GC: variants seen among roughly 807,000 people sequenced by gnomAD.
GC encodes vitamin D-binding protein.
A neutral mutation model predicts 56.7 loss-of-function variants in GC; 43 were observed. The observed-to-expected ratio is 0.76, with a 90% confidence interval of 0.59 to 0.98. The LOEUF (loss-of-function observed/expected upper bound fraction) is 0.98, where lower values mean the gene tolerates loss of function less well. Among genes scored for constraint, GC ranks in the 50% least tolerant of loss-of-function variants. GC has a pLI of 0.00. For synonymous variants in GC, 216 were observed against 202.7 expected (o/e 1.07, Z -0.56); for missense variants, 529 against 545.9 (o/e 0.97, Z 0.31).
chr4:71,752,016 G>C lies in GC; in HGVS notation c.1395+502C>G, dbSNP rs141581620. Among the ~76,000 whole-genome samples, 13 of 151,862 alleles carry C rather than the reference G, an allele frequency of 8.6e-5. 1 individual carries two copies. Among genetic ancestry groups the C allele is most frequent in the African/African-American group, 3.1e-4 (13 of 41,426 alleles). On this transcript the variant is annotated intron_variant, in intron 11 of 12. Coordinates refer to ENST00000273951, the MANE Select transcript of GC (RefSeq NM_000583.4). ...TTTATAATTAACATATTAATAGAAG[G>C]TATGATATGACCCCATTTTTCTAAA...
At chr4:71,766,161 G>A (rs968797436) in intron 3 of GC, among the ~76,000 whole-genome samples, 1 of 152,092 alleles carries the variant, frequency 6.6e-6, no homozygotes, top group African/African-American at 2.4e-5. Context: ...TACATTATTT[G>A]CATTCTCTTA....
Position 71,765,731 on chromosome 4 carries a change from A to G in GC, c.262-88T>C. 8.8e-6 allele frequency: 7 copies of G among 797,658 alleles called. No homozygotes were observed. In the South Asian group the frequency reaches 1.2e-4, roughly 13 times the overall value. The allele number at this position is 797,658 out of a possible 1,614,324, so 49.4% of individuals were successfully genotyped here. A position where few individuals can be genotyped will look rare whatever the true frequency, so the allele number is the denominator to read the frequency against. On this transcript the variant is annotated intron_variant, in intron 3 of 12. Coordinates refer to ENST00000273951, the MANE Select transcript of GC (RefSeq NM_000583.4). ...ATTTAATATAATATCTTAGCCTATA[A>G]TTAGAAAATTCTCATTTATAACTAT...
In GC at chr4:71,759,071, A is replaced by G. The variant is rs150123686; in HGVS notation, c.702-900T>C. 3.9e-3 allele frequency among the ~76,000 whole-genome samples: 591 copies of G among 152,318 alleles called. 6 individuals carry two copies. The highest frequency in any genetic ancestry group is 0.013 in the African/African-American group (560 of 41,582). On this transcript the variant is annotated intron_variant, in intron 6 of 12. Transcript: ENST00000273951. ...TTCAGACTGGCATATTTCACTTAGC[A>G]TAATGAAAGTCCTCAAGGTTCATCC...
rs766644198 is a variant in GC at position 71,783,972 on chromosome 4, G to C, written c.47C>G (p.Ala16Gly). The change falls in exon 1 of 13, where the codon GCT (alanine) becomes GGT (glycine). Residue 16 changes from alanine (A) to glycine (G), a missense_variant. Ala to Gly is a moderately conservative substitution (Grantham distance 60). Coordinates refer to ENST00000273951, the MANE Select transcript of GC (RefSeq NM_000583.4). ...VLLLAVAFGH[A>G]LERGRDYEKN... ...AAAAGAAATCTTACCTCTCTCTAAA[G>C]CATGTCCAAATGCCACAGCAAGCAG... 27 of 1,600,818 alleles carry C rather than the reference G, an allele frequency of 1.7e-5. No homozygotes were observed. Among genetic ancestry groups the C allele is most frequent in the Non-Finnish European group, 2.0e-5 (23 of 1,172,596 alleles).
intron 12 of GC, among the ~76,000 whole-genome samples, chr4:71,745,662 T>C (rs540973953): frequency 6.6e-6 from 1 of 152,324 alleles, no homozygotes; most frequent in Non-Finnish European, 1.5e-5. Context: ...CTATTTTATG[T>C]TCTTAATATC....
At chr4:71,755,550 G>A (rs566528491) in intron 8 of GC, among the ~76,000 whole-genome samples, 5 of 152,250 alleles carry the variant, frequency 3.3e-5, no homozygotes, top group African/African-American at 1.2e-4. Context: ...AGCTCAGACT[G>A]ACTCTAAATC....
intron 1 of GC, among the ~76,000 whole-genome samples, chr4:71,802,768 C>A (rs945892809): frequency 6.6e-6 from 1 of 152,188 alleles, no homozygotes; most frequent in Admixed American, 6.5e-5. Context: ...GTGAAACAAT[C>A]ATCTGAAATA....
At chr4:71,742,937 G>A (rs1473627737) in intron 12 of GC, among the ~76,000 whole-genome samples, 1 of 152,184 alleles carries the variant, frequency 6.6e-6, no homozygotes, top group South Asian at 2.1e-4. Context: ...TTGTGCCACT[G>A]CACTCCAGAC....
chr4:71,780,331 C>T (rs1444664093), intron 1 of GC, among the ~76,000 whole-genome samples: 7 of 152,072 alleles, frequency 4.6e-5, no homozygotes, highest in Non-Finnish European at 8.8e-5. Flanking sequence ...TGGACAAGGA[C>T]TTCATGTCTA....
At chr4:71,802,119 C>G (rs942297589) in intron 1 of GC, among the ~76,000 whole-genome samples, 2 of 152,074 alleles carry the variant, frequency 1.3e-5, no homozygotes, top group Non-Finnish European at 2.9e-5. Flanking sequence ...CATCTTGCTT[C>G]TGAACATCAG....
At chr4:71,747,670 GA>G (rs1350364678) in intron 11 of GC, among the ~76,000 whole-genome samples, 1 of 152,138 alleles carries the variant, frequency 6.6e-6, no homozygotes, top group East Asian at 1.9e-4. Flanking sequence ...GAATTAATAA[GA>G]GGTGTGAGGA....
intron 6 of GC, among the ~76,000 whole-genome samples, chr4:71,762,607 T>C (rs1578294719): frequency 2.6e-5 from 4 of 152,160 alleles, no homozygotes; most frequent in African/African-American, 4.8e-5. Flanking sequence ...GAATTATAAC[T>C]CCCACAATTT....
At chr4:71,776,233 C>T (rs764369282) in intron 1 of GC, among the ~76,000 whole-genome samples, 9 of 151,648 alleles carry the variant, frequency 5.9e-5, no homozygotes, top group South Asian at 2.1e-4. Flanking sequence ...TCACAGCTAC[C>T]GAGATGCTGA....
At chr4:71,743,040 C>T (rs1369429615) in intron 12 of GC, among the ~76,000 whole-genome samples, 1 of 152,076 alleles carries the variant, frequency 6.6e-6, no homozygotes, top group African/African-American at 2.4e-5. Flanking sequence ...AGTGTGGCCA[C>T]AATCAATTTG....
At chr4:71,769,639 A>G in intron 1 of GC, 1 of 429,064 alleles carries the variant, frequency 2.3e-6, no homozygotes. Flanking sequence ...GTAAACTAAT[A>G]CTGAACGTAA....
chr4:71,766,184 T>G (rs1742149607), intron 3 of GC, among the ~76,000 whole-genome samples: 1 of 152,208 alleles, frequency 6.6e-6, no homozygotes, highest in Admixed American at 6.5e-5. Context: ...TAATGATTCT[T>G]GAACCGGCTT....
upstream of GC, among the ~76,000 whole-genome samples, chr4:71,787,654 G>T (rs1742871072): frequency 6.6e-6 from 1 of 151,830 alleles, no homozygotes; most frequent in African/African-American, 2.4e-5. Context: ...TACAGTGAGA[G>T]TAGCTTGAAG....
chr4:71,781,425 G>GA (rs969911906), intron 1 of GC, among the ~76,000 whole-genome samples: 1 of 151,098 alleles, frequency 6.6e-6, no homozygotes, highest in East Asian at 2.0e-4. Context: ...AAAAAGAAAA[G>GA]AAAAAAATGC....
At chr4:71,765,392 C>A (rs779823174) in intron 4 of GC, 40 bp downstream of exon 4, 1 of 1,490,374 alleles carries the variant, frequency 6.7e-7, no homozygotes. Flanking sequence ...ATTTCTGATA[C>A]TTTAGGTCCT....
Sources: gnomAD v4.1 joint callset for allele counts (sites outside exome capture counted in the v4.1 genomes callset) on GRCh38, gnomAD v4.1.1 for gene constraint, MANE v1.5 for transcripts, NCBI Gene and HGNC (gene_info 2026-07-23, HGNC 2026-07-21) for gene names.